OTOA: variants seen among roughly 807,000 people sequenced by gnomAD.
OTOA encodes the protein cancer/testis antigen 108.
A neutral mutation model predicts 110.8 loss-of-function variants in OTOA; 70 were observed. The ratio of observed to expected loss-of-function variants is 0.63; its 90% confidence interval spans 0.52 to 0.77. OTOA has a LOEUF of 0.77. Ranked by LOEUF, OTOA falls within the 30% of genes least tolerant of loss-of-function variation. The pLI is 0.00. For missense variants in OTOA, 917 were observed against 1,075.8 expected, an observed-to-expected ratio of 0.85 and a Z score of 2.06; for synonymous variants, 373 against 431.5, an observed-to-expected ratio of 0.86 and a Z score of 1.68.
intron 21 of OTOA, among the ~76,000 whole-genome samples, chr16:21,734,698 G>A (rs1292263330): frequency 1.3e-4 from 20 of 152,158 alleles, no homozygotes; most frequent in Admixed American, 2.6e-4. Flanking sequence ...TTAGCCGGGC[G>A]TGGTGGTGGG....
rs546143381 is a variant in OTOA at position 21,687,347 on chromosome 16, C to A, written c.400-66C>A. On this transcript the variant is annotated intron_variant, in intron 7 of 28. Transcript: ENST00000646100. ...TTTCCCCACTGTTGCAATGTGTGGT[C>A]CCTCCCAGGGCTTCCAAATTGAGAG... 1.5e-4 allele frequency: 199 copies of A among 1,316,810 alleles called. 1 individual carries two copies. The highest frequency in any genetic ancestry group is 2.3e-4 in the East Asian group (10 of 43,498). The allele number at this position is 1,316,810 out of a possible 1,614,324, so 81.6% of individuals were successfully genotyped here.
Position 21,717,137 on chromosome 16 carries a change from G to T in OTOA, c.1629+90G>T, listed in dbSNP as rs537352608. Reference sequence around the variant, plus strand: ...CTGTTTTAAGGTTAATTTGATAAAAGAAATTTATTTCTGTGGGATTAGTAT... The same window carrying T: ...CTGTTTTAAGGTTAATTTGATAAAATAAATTTATTTCTGTGGGATTAGTAT... On this transcript the variant is annotated intron_variant, in intron 15 of 28. Coordinates refer to ENST00000646100, the MANE Select transcript of OTOA (RefSeq NM_144672.4). 4.4e-5 allele frequency: 68 copies of T among 1,551,478 alleles called. No homozygotes were observed. In the South Asian group the frequency reaches 6.4e-4, roughly 15 times the overall value.
At chr16:21,701,598 C>T (rs1178227316) in intron 11 of OTOA, among the ~76,000 whole-genome samples, 2 of 151,890 alleles carry the variant, frequency 1.3e-5, no homozygotes, top group African/African-American at 4.8e-5. Context: ...GAGTACAGCT[C>T]AATACTCCCT....
intron 21 of OTOA, among the ~76,000 whole-genome samples, chr16:21,732,491 A>G (rs1307758849): frequency 4.0e-5 from 6 of 151,458 alleles, no homozygotes; most frequent in Non-Finnish European, 1.5e-5. Flanking sequence ...GGCCCCTCCC[A>G]CTCTTCCATC....
chr16:21,728,320 G>C lies in OTOA; in HGVS notation c.2096G>C (p.Arg699Thr). ...CACTTGCCGGCAGCCATCATCGACAGGGGGATCTCCCCCAGGGCTTGGGCG... is the reference window on the plus strand; with the variant it reads ...CACTTGCCGGCAGCCATCATCGACACGGGGATCTCCCCCAGGGCTTGGGCG... ...LCHLPAAIID[R>T]GISPRAWATA... is the part of the protein sequence containing the mutation. The change falls in exon 20 of 29, where the codon AGG (arginine) becomes ACG (threonine). Residue 699 changes from arginine (R) to threonine (T), a missense_variant. Transcript: ENST00000646100. The C allele has an allele frequency of 1.2e-6, 2 of 1,614,152 alleles. No individual in the cohort carries two copies. The highest frequency in any genetic ancestry group is 1.7e-6 in the Non-Finnish European group (2 of 1,180,030).
chr16:21,676,867 T>G (rs1023054988), intron 1 of OTOA, among the ~76,000 whole-genome samples: 1 of 152,170 alleles, frequency 6.6e-6, no homozygotes, highest in African/African-American at 2.4e-5. Context: ...GGAGCAATTA[T>G]AGAGCTCAGC....
chr16:21,716,996 A>G lies in OTOA; in HGVS notation c.1578A>G (p.Gln526=). 1.2e-6 allele frequency: 2 copies of G among 1,614,162 alleles called. No homozygotes were observed. Among genetic ancestry groups the G allele is most frequent in the Admixed American group, 1.7e-5 (1 of 60,012 alleles). ...TGTCTCTCTTTGATTTAAGGAGGCA[A>G]CCTGGATTCAACTCTACAGTCCTGA... ...KEVSLFDLRR[Q]PGFNSTVLKD... The change falls in exon 15 of 29, where the codon CAA becomes CAG. Residue 526 remains glutamine (Q), a synonymous_variant. Coordinates refer to ENST00000646100, the MANE Select transcript of OTOA (RefSeq NM_144672.4).
chr16:21,720,294 GC>G (rs1301440899), intron 17 of OTOA, among the ~76,000 whole-genome samples: 2 of 152,130 alleles, frequency 1.3e-5, no homozygotes, highest in Non-Finnish European at 2.9e-5. Flanking sequence ...GTAAACACAG[GC>G]CTTACAGCAT....
At chr16:21,680,879 G>C (rs1168840285) in intron 5 of OTOA, among the ~76,000 whole-genome samples, 1 of 151,292 alleles carries the variant, frequency 6.6e-6, no homozygotes, top group Non-Finnish European at 1.5e-5. Context: ...AATGAGAAAA[G>C]GCTATTCATG....
Position 21,668,013 on chromosome 16 carries a change from A to G in OTOA, c.-5+3781A>G, listed in dbSNP as rs1966844248. ...CAATAAGGACTCCTTTAAAAATATA[A>G]CCACAGTTTCATTATCAAACTTAAA... On this transcript the variant is annotated intron_variant, in intron 1 of 28. Coordinates refer to ENST00000646100, the MANE Select transcript of OTOA (RefSeq NM_144672.4). Among the ~76,000 whole-genome samples the G allele has an allele frequency of 3.9e-5, 6 of 152,252 alleles. No homozygotes were observed. The South Asian group carries it at 1.2e-3, about 32-fold the overall frequency.
chr16:21,706,568 AC>A (rs1183339668), intron 12 of OTOA, among the ~76,000 whole-genome samples: 1 of 152,144 alleles, frequency 6.6e-6, no homozygotes, highest in African/African-American at 2.4e-5. Flanking sequence ...ATGAGCAAAC[AC>A]GCTCTCTCTC....
At chr16:21,719,107 T>C (rs1898643373) in intron 15 of OTOA, 26 bp from the exon 16 acceptor site, 4 of 1,608,360 alleles carry the variant, frequency 2.5e-6, no homozygotes, top group Non-Finnish European at 3.4e-6. Flanking sequence ...GTGCCATCAG[T>C]GCTAACGATC....
intron 5 of OTOA, among the ~76,000 whole-genome samples, chr16:21,681,166 T>A (rs1847959070): frequency 6.6e-6 from 1 of 152,200 alleles, no homozygotes; most frequent in Non-Finnish European, 1.5e-5. Flanking sequence ...TTGTAGTCAA[T>A]CTAAGCAGAT....
intron 20 of OTOA, chr16:21,730,580 C>T: frequency 2.4e-6 from 1 of 423,716 alleles, no homozygotes; most frequent in Non-Finnish European, 4.6e-6. Flanking sequence ...ATATGAATGT[C>T]CTCCAATATC....
intron 13 of OTOA, among the ~76,000 whole-genome samples, chr16:21,712,761 C>T (rs997963587): frequency 2.0e-5 from 3 of 151,380 alleles, no homozygotes; most frequent in Non-Finnish European, 4.4e-5. Flanking sequence ...AGGAGAATGG[C>T]GTGAACCTGG....
At chr16:21,711,508 C>T (rs1449975287) in intron 13 of OTOA, among the ~76,000 whole-genome samples, 2 of 152,064 alleles carry the variant, frequency 1.3e-5, no homozygotes, top group East Asian at 1.9e-4. Context: ...TTGCCCTTGT[C>T]GCCCATGCTG....
intron 1 of OTOA, among the ~76,000 whole-genome samples, chr16:21,672,734 C>G (rs573301965): frequency 5.9e-5 from 9 of 152,172 alleles, no homozygotes; most frequent in African/African-American, 2.2e-4. Context: ...AGCATGTCTA[C>G]CATCTCAAAC....
chr16:21,680,426 A>C (rs1014979037), intron 5 of OTOA, among the ~76,000 whole-genome samples: 1 of 152,154 alleles, frequency 6.6e-6, no homozygotes, highest in African/African-American at 2.4e-5. Context: ...AGGCAGGAGG[A>C]TCACTTGAAC....
intron 27 of OTOA, 116 bp downstream of exon 27, chr16:21,753,240 G>C: frequency 2.0e-6 from 1 of 489,980 alleles, no homozygotes; most frequent in South Asian, 2.1e-5. Context: ...TGCTGATGGG[G>C]TCAGAGGAGA....
Sources: allele counts gnomAD v4.1 joint callset (sites outside exome capture counted in the v4.1 genomes callset), GRCh38; gene constraint gnomAD v4.1.1; transcripts MANE v1.5; gene names NCBI Gene and HGNC (gene_info 2026-07-23, HGNC 2026-07-21).